UGT1A6: variants seen among roughly 807,000 people sequenced by gnomAD.
The protein encoded by UGT1A6 is UDP-glucuronosyltransferase 1A6.
A neutral mutation model predicts 44.4 loss-of-function variants in UGT1A6; 32 were observed. That is an observed-to-expected ratio of 0.72 (90% CI 0.54 to 0.97). The LOEUF (loss-of-function observed/expected upper bound fraction) is 0.97, where lower values mean the gene tolerates loss of function less well. Ranked by LOEUF, UGT1A6 falls within the 50% of genes least tolerant of loss-of-function variation. The probability of loss-of-function intolerance (pLI) is 0.00; values close to 1 mark genes in which losing one functional copy is unlikely to be tolerated. For missense variants in UGT1A6, 685 were observed against 661.9 expected (o/e 1.03, Z -0.38); for synonymous variants, 238 against 248.5 (o/e 0.96, Z 0.40).
At chr2:233,701,416 T>G (rs2125586525) in intron 1 of UGT1A6, among the ~76,000 whole-genome samples, 1 of 152,190 alleles carries the variant, frequency 6.6e-6, no homozygotes, top group African/African-American at 2.4e-5. Flanking sequence ...CACCCCACTG[T>G]CAACATTAGA....
rs1207870727 is a variant in UGT1A6, at chr2:233,693,825, TTGGAGGTA to T, written c.823_830del (p.Gly275GlnfsTer3). On this transcript the variant is annotated frameshift_variant, in exon 1 of 5. Transcript: ENST00000305139. LOFTEE classifies it high-confidence loss of function. The stretch of plus-strand genomic sequence containing the variant: ...CCGGTCATGCCCAACATGGTCTTCA[TTGGAGGTA>T]TCAACTGTAAGAAGAGGAAAGACTT... The T allele has an allele frequency of 3.7e-6, 6 of 1,614,084 alleles. No individual in the cohort carries two copies. The African/African-American group carries it at 5.3e-5, about 14-fold the overall frequency.
At chr2:233,709,366 GT>G in intron 1 of UGT1A6, among the ~76,000 whole-genome samples, 1 of 152,240 alleles carries the variant, frequency 6.6e-6, no homozygotes, top group South Asian at 2.1e-4. Context: ...AGATTTTTCT[GT>G]GTCCTAATCT....
intron 2 of UGT1A6, 140 bp downstream of exon 2, chr2:233,767,305 GTTTT>G: frequency 4.6e-6 from 7 of 1,519,176 alleles, no homozygotes; most frequent in Non-Finnish European, 4.4e-6. Context: ...TAATCCAAAG[GTTTT>G]TTTTGTTGTT....
intron 1 of UGT1A6, among the ~76,000 whole-genome samples, chr2:233,711,484 C>T (rs1182676928): frequency 6.6e-6 from 1 of 152,094 alleles, no homozygotes; most frequent in Non-Finnish European, 1.5e-5. Context: ...GATGTTGCAC[C>T]CACAGCTGAG....
chr2:233,747,270 T>C (rs1378649529), intron 1 of UGT1A6: 110 of 1,598,986 alleles, frequency 6.9e-5, no homozygotes, highest in Non-Finnish European at 9.1e-5. Context: ...TGCTACTCCT[T>C]CTCAGTGCCC....
chr2:233,701,911 A>G (rs2075659701), intron 1 of UGT1A6, among the ~76,000 whole-genome samples: 1 of 152,188 alleles, frequency 6.6e-6, no homozygotes, highest in African/African-American at 2.4e-5. Flanking sequence ...TAAAATTGAC[A>G]CCCTAACATC....
chr2:233,713,181 G>A, intron 1 of UGT1A6: 2 of 1,614,248 alleles, frequency 1.2e-6, no homozygotes, highest in Non-Finnish European at 1.7e-6. Flanking sequence ...CCTCACCCTG[G>A]AGGTGAATAT....
rs1697459307 is a variant in UGT1A6, at chr2:233,760,471, C to T, written c.862-6563C>T. The T allele has an allele frequency of 7.4e-6, 12 of 1,614,210 alleles. No individual in the cohort carries two copies. The highest frequency in any genetic ancestry group is 1.0e-5 in the Non-Finnish European group (12 of 1,180,040). ...GGGACATGAAATAGTTGTCCTAGCA[C>T]CTGACGCCTCGTTGTACATCAGAGA... On this transcript the variant is annotated intron_variant, in intron 1 of 4. Coordinates refer to ENST00000305139, the MANE Select transcript of UGT1A6 (RefSeq NM_001072.4).
chr2:233,693,094 G>A lies in UGT1A6; in HGVS notation c.90G>A (p.Leu30=). ...LWGMVVGDKL[L]VVPQDGSHWL... The stretch of plus-strand genomic sequence containing the variant: ...GCATGGTTGTAGGTGACAAGCTGCT[G>A]GTGGTCCCTCAGGACGGAAGCCACT... Residue 30 remains leucine, a synonymous_variant, in exon 1 of 5, where the codon CTG becomes CTA. Coordinates refer to ENST00000305139, the MANE Select transcript of UGT1A6 (RefSeq NM_001072.4). The A allele has an allele frequency of 6.2e-7, 1 of 1,614,170 alleles. No homozygotes were observed. Among genetic ancestry groups the A allele is most frequent in the Non-Finnish European group, 8.5e-7 (1 of 1,180,036 alleles).
At chr2:233,696,872 A>G (rs1458006526) in intron 1 of UGT1A6, among the ~76,000 whole-genome samples, 1 of 152,208 alleles carries the variant, frequency 6.6e-6, no homozygotes, top group Admixed American at 6.5e-5. Flanking sequence ...TTCAGCATCT[A>G]CAACATATGA....
chr2:233,697,365 A>G (rs2075386775), intron 1 of UGT1A6, among the ~76,000 whole-genome samples: 3 of 152,098 alleles, frequency 2.0e-5, no homozygotes, highest in Non-Finnish European at 4.4e-5. Context: ...TTGTTGGCAT[A>G]TAGAGTTCAC....
chr2:233,743,851 C>T (rs375874968), intron 1 of UGT1A6: 40 of 1,367,126 alleles, frequency 2.9e-5, no homozygotes, highest in African/African-American at 2.2e-4. Flanking sequence ...GCTTGCGGTA[C>T]GCCTTCTTGA....
At position 233,693,437 on chromosome 2, in the gene UGT1A6, G is replaced by C. The variant is rs955670837; in HGVS notation, c.433G>C (p.Asp145His). Residue 145 changes from aspartate to histidine, a missense_variant, in exon 1 of 5, where the codon GAT becomes CAT. By Grantham distance (81) the Asp-to-His change is moderately conservative. Coordinates refer to ENST00000305139, the MANE Select transcript of UGT1A6 (RefSeq NM_001072.4). ...GAACTTCTTTAAGGAGAGCAAGTTTGATGCTCTTTTCACAGACCCAGCCTT... is the reference window on the plus strand; with the variant it reads ...GAACTTCTTTAAGGAGAGCAAGTTTCATGCTCTTTTCACAGACCCAGCCTT... ...TLNFFKESKF[D>H]ALFTDPALPC... 17 of 1,614,030 alleles carry C rather than the reference G, an allele frequency of 1.1e-5. No individual in the cohort carries two copies. The highest frequency in any genetic ancestry group is 1.4e-5 in the Non-Finnish European group (16 of 1,180,034).
At chr2:233,744,517 G>A (rs1213288029) in intron 1 of UGT1A6, among the ~76,000 whole-genome samples, 1 of 151,928 alleles carries the variant, frequency 6.6e-6, no homozygotes, top group African/African-American at 2.4e-5. Context: ...TGACACAATA[G>A]CAAATCTTAT....
At chr2:233,728,759 G>C (rs2077748525) in intron 1 of UGT1A6, among the ~76,000 whole-genome samples, 1 of 152,198 alleles carries the variant, frequency 6.6e-6, no homozygotes, top group Admixed American at 6.5e-5. Flanking sequence ...TGACTCCTCA[G>C]ACCTCAGCTG....
Position 233,693,048 on chromosome 2 carries a change from T to C in UGT1A6, c.44T>C (p.Val15Ala). Residue 15 changes from valine (V) to alanine (A), a missense_variant, in exon 1 of 5, where the codon GTT (valine) becomes GCT (alanine). Coordinates refer to ENST00000305139, the MANE Select transcript of UGT1A6 (RefSeq NM_001072.4). Reference protein sequence around the residue: ...LRSFQRISAGVFFLALWGMVV... With the variant: ...LRSFQRISAGAFFLALWGMVV... ...TCATTTCAGAGAATTTCTGCAGGGG[T>C]TTTCTTCTTAGCACTTTGGGGCATG... The C allele has an allele frequency of 6.2e-7, 1 of 1,614,120 alleles. No individual in the cohort carries two copies. The highest frequency in any genetic ancestry group is 8.5e-7 in the Non-Finnish European group (1 of 1,180,024).
chr2:233,719,330 G>GT, intron 1 of UGT1A6: 2 of 1,613,866 alleles, frequency 1.2e-6, no homozygotes, highest in Non-Finnish European at 8.5e-7. Context: ...TTCCTGCTGT[G>GT]TTTTTTTGGA....
rs767732319 is a variant in UGT1A6, at chr2:233,772,468, T to A, written c.1508T>A (p.Phe503Tyr). ...FLLAVVLTVA[F>Y]ITFKCCAYGY... Reference sequence around the variant, plus strand: ...TTGGCCGTCGTGCTGACAGTGGCCTTCATCACCTTTAAATGTTGTGCTTAT... The same window carrying A: ...TTGGCCGTCGTGCTGACAGTGGCCTACATCACCTTTAAATGTTGTGCTTAT... The change falls in exon 5 of 5, where the codon TTC (phenylalanine) becomes TAC (tyrosine). Residue 503 changes from phenylalanine (F) to tyrosine (Y), a missense_variant. Physicochemically the swap from Phe to Tyr is conservative, Grantham distance 22. Transcript: ENST00000305139. The A allele has an allele frequency of 3.7e-6, 6 of 1,614,162 alleles. No homozygotes were observed. In the South Asian group the frequency reaches 6.6e-5, roughly 18 times the overall value.
intron 1 of UGT1A6, among the ~76,000 whole-genome samples, chr2:233,740,474 C>T (rs1003783592): frequency 2.0e-5 from 3 of 151,920 alleles, no homozygotes; most frequent in African/African-American, 7.3e-5. Context: ...CAGAAAGGAT[C>T]ATTCCCTCTT....
Sources: gnomAD v4.1 joint callset for allele counts (sites outside exome capture counted in the v4.1 genomes callset) on GRCh38, gnomAD v4.1.1 for gene constraint, MANE v1.5 for transcripts, NCBI Gene and HGNC (gene_info 2026-07-23, HGNC 2026-07-21) for gene names.